The following NEDD4 variants were observed in gnomAD, a reference collection of about 807,000 sequenced individuals.
The protein encoded by NEDD4 is NEDD4 E3 ubiquitin protein ligase.
A neutral mutation model predicts 144.9 loss-of-function variants in NEDD4; 99 were observed. That is an observed-to-expected ratio of 0.68 (90% CI 0.58 to 0.81). NEDD4 has a LOEUF of 0.81. Ranked by LOEUF, NEDD4 falls within the 30% of genes least tolerant of loss-of-function variation. The probability of loss-of-function intolerance (pLI) is 0.00; values close to 1 mark genes in which losing one functional copy is unlikely to be tolerated. For synonymous variants in NEDD4, 318 were observed against 350.6 expected (o/e 0.91, Z 1.04); for missense variants, 985 against 1,065.9 (o/e 0.92, Z 1.06).
At position 55,851,635 on chromosome 15, in the gene NEDD4, C is replaced by A. The variant is rs140792200; in HGVS notation, c.1146+789G>T. 2.9e-3 allele frequency among the ~76,000 whole-genome samples: 448 copies of A among 152,070 alleles called. 3 individuals carry two copies. The highest frequency in any genetic ancestry group is 0.01 in the African/African-American group (424 of 41,528). On this transcript the variant is annotated intron_variant, in intron 13 of 28. Coordinates refer to ENST00000435532, the MANE Select transcript of NEDD4 (RefSeq NM_006154.4). The stretch of plus-strand genomic sequence containing the variant: ...GGGATTACAGGCATGCGCCACCACG[C>A]CTGGCTAATTTTTGTATTTTTGGTA...
At chr15:55,894,651 T>C (rs1197952715) in intron 5 of NEDD4, among the ~76,000 whole-genome samples, 5 of 152,236 alleles carry the variant, frequency 3.3e-5, no homozygotes, top group African/African-American at 1.2e-4. Flanking sequence ...TCAATTTCTT[T>C]GGAGTTCTTA....
chr15:55,974,506 C>T (rs189639679), intron 1 of NEDD4, among the ~76,000 whole-genome samples: 64 of 151,894 alleles, frequency 4.2e-4, no homozygotes, highest in African/African-American at 1.5e-3. Flanking sequence ...AACATTGATG[C>T]AAAAATCCGT....
chr15:55,865,552 T>TAA (rs34895974), intron 8 of NEDD4, among the ~76,000 whole-genome samples: 46 of 149,066 alleles, frequency 3.1e-4, no homozygotes, highest in South Asian at 6.3e-4. Flanking sequence ...TAAATAACAT[T>TAA]AAAAAAAAAA....
chr15:55,915,788 G>T (rs143252347), intron 5 of NEDD4: 1 of 1,613,632 alleles, frequency 6.2e-7, no homozygotes, highest in African/African-American at 1.3e-5. Flanking sequence ...TCTGTAACGA[G>T]CCCTTCCTGT....
rs1430967830 is a variant in NEDD4 at position 55,937,648 on chromosome 15, G to A, written c.238-12949C>T. On this transcript the variant is annotated intron_variant, in intron 4 of 28. Coordinates refer to ENST00000435532, the MANE Select transcript of NEDD4 (RefSeq NM_006154.4). ...GGCAGTAGAGTCCTAATCCTGATTTGTCAATTACAAATAGCCTTCTTTCAA... is the reference window on the plus strand; with the variant it reads ...GGCAGTAGAGTCCTAATCCTGATTTATCAATTACAAATAGCCTTCTTTCAA... 2.0e-5 allele frequency among the ~76,000 whole-genome samples: 3 copies of A among 152,154 alleles called. No individual in the cohort carries two copies. The East Asian group carries it at 5.8e-4, about 29-fold the overall frequency.
chr15:55,836,766 A>G (rs1206260315), intron 24 of NEDD4, among the ~76,000 whole-genome samples: 1 of 152,106 alleles, frequency 6.6e-6, no homozygotes, highest in African/African-American at 2.4e-5. Context: ...GACCTCAGGC[A>G]ATCTGCCCAC....
intron 21 of NEDD4, among the ~76,000 whole-genome samples, chr15:55,839,547 T>C (rs1555392674): frequency 6.6e-6 from 1 of 152,182 alleles, no homozygotes; most frequent in Non-Finnish European, 1.5e-5. Flanking sequence ...CTGGAATTCA[T>C]GTGAACACAC....
intron 5 of NEDD4, among the ~76,000 whole-genome samples, chr15:55,885,983 A>G (rs2035371716): frequency 6.6e-6 from 1 of 152,144 alleles, no homozygotes; most frequent in South Asian, 2.1e-4. Context: ...ATAAAGACAT[A>G]AAGACTAAAA....
chr15:55,831,228 A>G (rs2032935476), intron 27 of NEDD4, among the ~76,000 whole-genome samples: 3 of 152,326 alleles, frequency 2.0e-5, no homozygotes, highest in South Asian at 4.1e-4. Context: ...CCGCCTTAAC[A>G]TACTTTTTAT....
intron 7 of NEDD4, among the ~76,000 whole-genome samples, chr15:55,870,532 T>TTC (rs2034752341): frequency 2.4e-4 from 1 of 4,180 alleles, no homozygotes; most frequent in Non-Finnish European, 8.4e-4. Flanking sequence ...TCTTCTTCTT[T>TTC]TTTTTTTTTT....
In NEDD4 at chr15:55,902,292, AT is replaced by A. The variant is rs573534228; in HGVS notation, c.291+22353del. Among the ~76,000 whole-genome samples the A allele has an allele frequency of 1.1e-4, 16 of 152,306 alleles. No homozygotes were observed. The South Asian group carries it at 3.3e-3, about 32-fold the overall frequency. On this transcript the variant is annotated intron_variant, in intron 5 of 28. Transcript: ENST00000435532. Reference sequence around the variant, plus strand: ...ATTAGACAGATGCAAGTCAAAAGAGATGTATCCATCTTGAATTTTGTCAATA... The same window carrying A: ...ATTAGACAGATGCAAGTCAAAAGAGAGTATCCATCTTGAATTTTGTCAATA...
intron 2 of NEDD4, among the ~76,000 whole-genome samples, chr15:55,963,152 G>C (rs184024592): frequency 9.1e-6 from 1 of 110,390 alleles, no homozygotes; most frequent in Non-Finnish European, 1.9e-5. Context: ...TTTTTTTTGA[G>C]ACAGGGTCTC....
intron 1 of NEDD4, among the ~76,000 whole-genome samples, chr15:55,985,009 G>T (rs1172727286): frequency 1.3e-5 from 2 of 152,202 alleles, no homozygotes; most frequent in African/African-American, 4.8e-5. Flanking sequence ...ACAGCAAGGG[G>T]ATGGGAGAAT....
rs1307916209 is a variant in NEDD4, at chr15:55,916,057, G to GA, written c.291+8588dup. 4 of 1,613,910 alleles carry GA rather than the reference G, an allele frequency of 2.5e-6. No individual in the cohort carries two copies. In the South Asian group the frequency reaches 4.4e-5, roughly 18 times the overall value. ...ACTAAGGAGGAGTAACGTTTTAGTGGAATTTTTGTGTTCCTGCTCACTGGC... is the reference window on the plus strand; with the variant it reads ...ACTAAGGAGGAGTAACGTTTTAGTGGAAATTTTTGTGTTCCTGCTCACTGGC... On this transcript the variant is annotated intron_variant, in intron 5 of 28. Coordinates refer to ENST00000435532, the MANE Select transcript of NEDD4 (RefSeq NM_006154.4).
intron 7 of NEDD4, among the ~76,000 whole-genome samples, chr15:55,872,024 G>C (rs1429192444): frequency 6.6e-6 from 1 of 152,072 alleles, no homozygotes; most frequent in Non-Finnish European, 1.5e-5. Flanking sequence ...GAAATACTAA[G>C]TATGCAAAAT....
At chr15:55,876,418 TG>T (rs772473224) in intron 5 of NEDD4, among the ~76,000 whole-genome samples, 35 of 152,144 alleles carry the variant, frequency 2.3e-4, no homozygotes, top group Non-Finnish European at 3.1e-4. Flanking sequence ...AAAAAAAAAT[TG>T]TATCGCTATA....
chr15:55,860,424 G>A lies in NEDD4; in HGVS notation c.943C>T (p.Gln315Ter). Residue 315 changes from glutamine (Q) to a stop codon, truncating the protein, a stop_gained, in exon 11 of 29, where the codon CAG becomes TAG. Coordinates refer to ENST00000435532, the MANE Select transcript of NEDD4 (RefSeq NM_006154.4). LOFTEE classifies it high-confidence loss of function. ...CATCTTACTGAGCTCGATGCTGGCT[G>A]GCTCACGGCTGAATTTCCAAAAATG... ...LTIFGNSAVS[Q>*]PASSSNHSSR... 1 of 1,614,092 alleles carries A rather than the reference G, an allele frequency of 6.2e-7. No individual in the cohort carries two copies. Among genetic ancestry groups the A allele is most frequent in the Non-Finnish European group, 8.5e-7 (1 of 1,179,982 alleles).
intron 5 of NEDD4, among the ~76,000 whole-genome samples, chr15:55,914,210 T>A (rs1054645720): frequency 6.6e-6 from 1 of 151,544 alleles, no homozygotes; most frequent in Admixed American, 6.6e-5. Flanking sequence ...GTTTTTTTTT[T>A]TAAAACAATC....
At chr15:55,934,753 T>G (rs2036851049) in intron 4 of NEDD4, 1 of 151,648 alleles carries the variant, frequency 6.6e-6, no homozygotes, top group South Asian at 2.1e-4. Flanking sequence ...CAGAATTATT[T>G]TCTAAAAATA....
Sources: gnomAD v4.1 joint callset for allele counts (sites outside exome capture counted in the v4.1 genomes callset) on GRCh38, gnomAD v4.1.1 for gene constraint, MANE v1.5 for transcripts, NCBI Gene and HGNC (gene_info 2026-07-23, HGNC 2026-07-21) for gene names.